The following TMEM117 variants were observed in gnomAD, a reference collection of about 807,000 sequenced individuals.
The protein encoded by TMEM117 is transmembrane protein 117.
TMEM117 carries 27 observed loss-of-function variants against 52.4 expected under a neutral mutation model. The ratio of observed to expected loss-of-function variants is 0.51; its 90% CI spans 0.38 to 0.71. The LOEUF is 0.71. Among genes scored for constraint, TMEM117 ranks in the 30% least tolerant of loss-of-function variants. TMEM117 has a pLI of 0.00. For missense variants in TMEM117, 556 were observed against 630.5 expected, an observed-to-expected ratio of 0.88 and a Z score of 1.26; for synonymous variants, 215 against 206.3, an observed-to-expected ratio of 1.04 and a Z score of -0.36.
At chr12:44,178,509 T>C (rs1949146749) in intron 4 of TMEM117, among the ~76,000 whole-genome samples, 1 of 152,146 alleles carries the variant, frequency 6.6e-6, no homozygotes, top group African/African-American at 2.4e-5. Context: ...ATCCAGTTCA[T>C]TGATTGATAT....
intron 3 of TMEM117, among the ~76,000 whole-genome samples, chr12:43,981,879 G>A (rs1945766665): frequency 6.6e-6 from 1 of 152,130 alleles, no homozygotes; most frequent in South Asian, 2.1e-4. Context: ...AGAATGGGGA[G>A]AGGTTGGTCA....
intron 3 of TMEM117, among the ~76,000 whole-genome samples, chr12:44,012,509 T>C (rs1184121720): frequency 6.6e-6 from 1 of 152,058 alleles, no homozygotes; most frequent in East Asian, 1.9e-4. Flanking sequence ...TTTTTCCTCT[T>C]TGCTTTTTAG....
At chr12:43,821,036 A>G in the TMEM117 span, among the ~76,000 whole-genome samples, 2 of 151,482 alleles carry the variant, frequency 1.3e-5, no homozygotes, top group Non-Finnish European at 2.9e-5. Flanking sequence ...CGGAGCTTGC[A>G]GTGAGTCGAG....
chr12:44,196,512 C>T (rs966768212), intron 4 of TMEM117, among the ~76,000 whole-genome samples: 8 of 152,128 alleles, frequency 5.3e-5, no homozygotes, highest in Middle Eastern at 3.4e-3. Flanking sequence ...GTAATTACAT[C>T]GGATATATTA....
chr12:44,017,160 C>A (rs938744345), intron 3 of TMEM117, among the ~76,000 whole-genome samples: 1 of 151,772 alleles, frequency 6.6e-6, no homozygotes, highest in Non-Finnish European at 1.5e-5. Context: ...CTGATCTGCT[C>A]ATTTAGCAGG....
chr12:44,178,670 T>C (rs1489068710), intron 4 of TMEM117, among the ~76,000 whole-genome samples: 1 of 152,182 alleles, frequency 6.6e-6, no homozygotes, highest in Non-Finnish European at 1.5e-5. Context: ...CTCAAATCTA[T>C]TATGTAAAAG....
chr12:43,960,950 T>C (rs777226529), intron 3 of TMEM117, among the ~76,000 whole-genome samples: 30 of 152,228 alleles, frequency 2.0e-4, no homozygotes, highest in Non-Finnish European at 4.0e-4. Context: ...TTGCAAAAAA[T>C]CTTGGTTGTC....
At chr12:44,325,669 T>C (rs999049011) in intron 6 of TMEM117, among the ~76,000 whole-genome samples, 3 of 152,106 alleles carry the variant, frequency 2.0e-5, no homozygotes, top group African/African-American at 7.2e-5. Flanking sequence ...GTTACACATA[T>C]TTGTTCTGAG....
At chr12:43,804,335 C>T in the TMEM117 span, 4 of 601,406 alleles carry the variant, frequency 6.7e-6, no homozygotes, top group Non-Finnish European at 1.2e-5. Context: ...ATTAGGGGCC[C>T]ATAGGGACCT....
intron 2 of TMEM117, among the ~76,000 whole-genome samples, chr12:43,863,928 G>A (rs1943535007): frequency 1.3e-5 from 2 of 152,208 alleles, no homozygotes; most frequent in African/African-American, 4.8e-5. Flanking sequence ...CCGGGGCTGC[G>A]CCCGGCGCTT....
chr12:43,946,012 T>C (rs573395083), intron 3 of TMEM117, among the ~76,000 whole-genome samples: 15 of 152,364 alleles, frequency 9.8e-5, no homozygotes, highest in African/African-American at 3.6e-4. Flanking sequence ...AAGTGATAAA[T>C]TCACGAATGT....
intron 5 of TMEM117, among the ~76,000 whole-genome samples, chr12:44,251,121 T>C (rs1950192810): frequency 6.6e-6 from 1 of 152,096 alleles, no homozygotes; most frequent in Non-Finnish European, 1.5e-5. Flanking sequence ...TGTCATAGGG[T>C]TGAGGGCTGA....
intron 4 of TMEM117, among the ~76,000 whole-genome samples, chr12:44,161,270 A>G (rs1023068990): frequency 6.6e-6 from 1 of 152,238 alleles, no homozygotes; most frequent in African/African-American, 2.4e-5. Context: ...TTATAAAGAT[A>G]ACCTATCATA....
At chr12:43,925,536 G>A (rs1243057380) in intron 2 of TMEM117, among the ~76,000 whole-genome samples, 3 of 152,076 alleles carry the variant, frequency 2.0e-5, no homozygotes, top group African/African-American at 4.8e-5. Flanking sequence ...CTAGTGCTCC[G>A]CCACAGCTGC....
At chr12:44,116,400 C>T (rs1478658424) in intron 3 of TMEM117, among the ~76,000 whole-genome samples, 1 of 152,138 alleles carries the variant, frequency 6.6e-6, no homozygotes, top group Non-Finnish European at 1.5e-5. Context: ...AAACTACAAA[C>T]TGCAAACTGC....
intron 3 of TMEM117, among the ~76,000 whole-genome samples, chr12:44,046,160 C>T (rs756506722): frequency 2.6e-5 from 4 of 152,180 alleles, no homozygotes; most frequent in Admixed American, 2.0e-4. Flanking sequence ...GTGATCCACT[C>T]GCAAAATTTT....
intron 5 of TMEM117, among the ~76,000 whole-genome samples, chr12:44,229,235 TA>T (rs1949903283): frequency 6.6e-6 from 1 of 152,066 alleles, no homozygotes; most frequent in African/African-American, 2.4e-5. Context: ...CCACCCAAGT[TA>T]TGATGCCAAA....
chr12:44,215,595 T>C (rs1949704798), intron 5 of TMEM117, among the ~76,000 whole-genome samples: 1 of 152,168 alleles, frequency 6.6e-6, no homozygotes, highest in Non-Finnish European at 1.5e-5. Flanking sequence ...AAAGAACAGC[T>C]ACATAAAGAA....
At chr12:44,296,358 C>T (rs1950769239) in intron 5 of TMEM117, among the ~76,000 whole-genome samples, 1 of 152,124 alleles carries the variant, frequency 6.6e-6, no homozygotes, top group Non-Finnish European at 1.5e-5. Flanking sequence ...TCAGGGTCCA[C>T]AGCTGAGTTC....
Sources: gnomAD v4.1 joint callset for allele counts (sites outside exome capture counted in the v4.1 genomes callset) on GRCh38, gnomAD v4.1.1 for gene constraint, MANE v1.5 for transcripts, NCBI Gene and HGNC (gene_info 2026-07-23, HGNC 2026-07-21) for gene names.